The following DGKI variants were observed in gnomAD, a reference collection of about 807,000 sequenced individuals.
The protein encoded by DGKI is DAG kinase iota.
DGKI carries 55 observed loss-of-function variants against 147.5 expected under a neutral mutation model. The ratio of observed to expected loss-of-function variants is 0.37; its 90% CI spans 0.30 to 0.47. DGKI has a LOEUF of 0.47. Ranked by LOEUF, DGKI falls within the 20% of genes least tolerant of loss-of-function variation. DGKI has a pLI of 1.00. For synonymous variants in DGKI, 469 were observed against 477.1 expected (o/e 0.98, Z 0.22); for missense variants, 1,007 against 1,323.8 (o/e 0.76, Z 3.71).
intron 28 of DGKI, among the ~76,000 whole-genome samples, chr7:137,432,689 C>G (rs1451307711): frequency 6.6e-6 from 1 of 152,018 alleles, no homozygotes; most frequent in Non-Finnish European, 1.5e-5. Flanking sequence ...CATGTAGAAC[C>G]AGGATGTGAA....
At chr7:137,633,039 C>A (rs59626548) in intron 6 of DGKI, among the ~76,000 whole-genome samples, 7,460 of 151,822 alleles carry the variant, frequency 0.049, 591 homozygotes, top group African/African-American at 0.16. Context: ...ATGGAGAAAC[C>A]CTGTCGCTAC....
At position 137,493,039 on chromosome 7, in the gene DGKI, T is replaced by C. The variant is rs1815827118; in HGVS notation, c.2249-5350A>G. On this transcript the variant is annotated intron_variant, in intron 21 of 32. Transcript: ENST00000614521. ...GGCCACCCCCATACCATTTTGCCAG[T>C]GTGTGTGTGCCAGCAGACCTTGCCT... Among the ~76,000 whole-genome samples the C allele has an allele frequency of 1.3e-5, 2 of 152,006 alleles. 1 individual carries two copies. Among genetic ancestry groups the C allele is most frequent in the South Asian group, 4.2e-4 (2 of 4,818 alleles).
In DGKI at chr7:137,719,110, C is replaced by T. The variant is rs143624988; in HGVS notation, c.402-29108G>A. Among the ~76,000 whole-genome samples, 13 of 152,230 alleles carry T rather than the reference C, an allele frequency of 8.5e-5. No individual in the cohort carries two copies. The East Asian group carries it at 2.3e-3, about 27-fold the overall frequency. Reference sequence around the variant, plus strand: ...GTAAACAGGGTATAAAGCTGGAGTTCATGTCGAACGTGTCCTAAAATGTTT... The same window carrying T: ...GTAAACAGGGTATAAAGCTGGAGTTTATGTCGAACGTGTCCTAAAATGTTT... On this transcript the variant is annotated intron_variant, in intron 1 of 32. Coordinates refer to ENST00000614521, the MANE Select transcript of DGKI (RefSeq NM_001321708.2).
intron 19 of DGKI, among the ~76,000 whole-genome samples, chr7:137,570,092 T>A (rs1266114888): frequency 1.3e-5 from 2 of 152,112 alleles, no homozygotes; most frequent in African/African-American, 2.4e-5. Flanking sequence ...CTATTTTGAT[T>A]TGTTTAGAAT....
chr7:137,576,865 T>A (rs368646307), intron 17 of DGKI, among the ~76,000 whole-genome samples: 29 of 152,208 alleles, frequency 1.9e-4, no homozygotes, highest in South Asian at 8.3e-4. Context: ...CATTTTTTTT[T>A]ATAAAGGTCT....
intron 28 of DGKI, among the ~76,000 whole-genome samples, chr7:137,413,423 C>A (rs1032244487): frequency 1.2e-4 from 18 of 152,098 alleles, no homozygotes; most frequent in African/African-American, 4.1e-4. Context: ...GGTTTTTCAG[C>A]CTTTGTCCCC....
chr7:137,396,118 A>C lies in DGKI; in HGVS notation c.2958-421T>G, dbSNP rs546717837. On this transcript the variant is annotated intron_variant, in intron 31 of 32. Transcript: ENST00000614521. Reference sequence around the variant, plus strand: ...CAGTGTGGAGCGCCTCTGGCCCTTCAGGCACAGCACGCAGCCCTTGGTTGA... The same window carrying C: ...CAGTGTGGAGCGCCTCTGGCCCTTCCGGCACAGCACGCAGCCCTTGGTTGA... 67 of 159,818 alleles carry C rather than the reference A, an allele frequency of 4.2e-4. 2 individuals are homozygous for C. In the East Asian group the frequency reaches 0.01, roughly 24 times the overall value. 9.9% of individuals were successfully genotyped at this position (159,818 alleles called of 1,614,324 possible).
chr7:137,405,600 G>A (rs1195165705), intron 30 of DGKI, among the ~76,000 whole-genome samples: 2 of 152,194 alleles, frequency 1.3e-5, no homozygotes, highest in Non-Finnish European at 2.9e-5. Context: ...CCATCAAACA[G>A]TGGAATCTGT....
rs1287583764 is a variant in DGKI at position 137,387,568 on chromosome 7, G to T, written c.*3652C>A. 1 of 152,080 alleles carries T rather than the reference G, an allele frequency of 6.6e-6. No individual in the cohort carries two copies. Among genetic ancestry groups the T allele is most frequent in the Non-Finnish European group, 1.5e-5 (1 of 68,020 alleles). 9.4% of individuals were successfully genotyped at this position (152,080 alleles called of 1,614,324 possible). On this transcript the variant is annotated 3_prime_UTR_variant, in exon 33 of 33. Coordinates refer to ENST00000614521, the MANE Select transcript of DGKI (RefSeq NM_001321708.2). ...TATATAAATAAATGTCTATATATGT[G>T]TGTAAATGTATATGCGTATATACAT... is the stretch of plus-strand genomic sequence containing the variant.
chr7:137,645,405 T>A, intron 6 of DGKI, 67 bp downstream of exon 6: 1 of 1,393,404 alleles, frequency 7.2e-7, no homozygotes, highest in Non-Finnish European at 1.0e-6. Flanking sequence ...ACAGGACTCA[T>A]CTACCTCAGT....
chr7:137,406,342 A>G (rs963608048), intron 30 of DGKI, among the ~76,000 whole-genome samples: 2 of 152,160 alleles, frequency 1.3e-5, no homozygotes, highest in African/African-American at 4.8e-5. Flanking sequence ...CCAGGGAAAT[A>G]GGAGATGGAA....
rs540627378 is a variant in DGKI, at chr7:137,563,542, TA to T, written c.1947+7632del. On this transcript the variant is annotated intron_variant, in intron 19 of 32. Coordinates refer to ENST00000614521, the MANE Select transcript of DGKI (RefSeq NM_001321708.2). ...TTGCAGAAAAACCTAAGGAATCTATTAAAAAAAACAAGCTACTGGATCTAAT... is the reference window on the plus strand; with the variant it reads ...TTGCAGAAAAACCTAAGGAATCTATTAAAAAAACAAGCTACTGGATCTAAT... Among the ~76,000 whole-genome samples the T allele has an allele frequency of 2.6e-5, 4 of 151,622 alleles. No individual in the cohort carries two copies. The South Asian group carries it at 6.2e-4, about 24-fold the overall frequency.
chr7:137,659,335 T>C (rs981755192), intron 3 of DGKI, among the ~76,000 whole-genome samples: 2 of 152,216 alleles, frequency 1.3e-5, no homozygotes, highest in Non-Finnish European at 2.9e-5. Context: ...GAAACTGTTT[T>C]AGCAAATCGG....
chr7:137,417,974 TA>T (rs1266072154), intron 28 of DGKI, among the ~76,000 whole-genome samples: 1 of 152,184 alleles, frequency 6.6e-6, no homozygotes, highest in East Asian at 1.9e-4. Flanking sequence ...TGATCCAGTC[TA>T]AGATATTTTG....
At chr7:137,798,347 A>G (rs1797096853) in intron 1 of DGKI, among the ~76,000 whole-genome samples, 2 of 152,230 alleles carry the variant, frequency 1.3e-5, no homozygotes. Context: ...CTACGTGGCC[A>G]GTATTATCAT....
At chr7:137,469,050 A>G (rs1814774925) in intron 24 of DGKI, among the ~76,000 whole-genome samples, 1 of 152,200 alleles carries the variant, frequency 6.6e-6, no homozygotes, top group Non-Finnish European at 1.5e-5. Flanking sequence ...TAAGATAACT[A>G]ACCTATTATG....
chr7:137,471,231 C>A (rs1042409059), intron 23 of DGKI, among the ~76,000 whole-genome samples: 1 of 152,040 alleles, frequency 6.6e-6, no homozygotes, highest in Admixed American at 6.6e-5. Context: ...GGGGAAGACA[C>A]TGGGAGTCTG....
At chr7:137,575,122 A>G (rs1334710696) in intron 17 of DGKI, among the ~76,000 whole-genome samples, 1 of 152,216 alleles carries the variant, frequency 6.6e-6, no homozygotes, top group East Asian at 1.9e-4. Flanking sequence ...ACAGATGAAG[A>G]AAGCAAACTC....
chr7:137,381,600 A>G lies in DGKI; in HGVS notation c.*9620T>C, dbSNP rs1368601020. 6.6e-6 allele frequency: 1 copy of G among 151,874 alleles called. No homozygotes were observed. The highest frequency in any genetic ancestry group is 1.5e-5 in the Non-Finnish European group (1 of 67,974). 9.4% of individuals were successfully genotyped at this position (151,874 alleles called of 1,614,324 possible). A position where few individuals can be genotyped will look rare whatever the true frequency, so the allele number is the denominator to read the frequency against. On this transcript the variant is annotated 3_prime_UTR_variant, in exon 33 of 33. Coordinates refer to ENST00000614521, the MANE Select transcript of DGKI (RefSeq NM_001321708.2). ...TCAGAAATCAAATTAAATCAAATAT[A>G]TTCATTCTTTTAGAACTGAGATTGT...
Sources: allele counts gnomAD v4.1 joint callset (sites outside exome capture counted in the v4.1 genomes callset), GRCh38; gene constraint gnomAD v4.1.1; transcripts MANE v1.5; gene names NCBI Gene and HGNC (gene_info 2026-07-23, HGNC 2026-07-21).